The following FBXL17 variants were observed in gnomAD, a reference collection of about 807,000 sequenced individuals.
FBXL17 encodes F-box and leucine rich repeat protein 17.
Under a neutral mutation model 66.2 loss-of-function variants are expected in FBXL17, and 22 were observed. The observed-to-expected ratio is 0.33, with a 90% CI of 0.24 to 0.47. The LOEUF (loss-of-function observed/expected upper bound fraction) is 0.47, where lower values mean the gene tolerates loss of function less well. Ranked by LOEUF, FBXL17 falls within the 20% of genes least tolerant of loss-of-function variation. The pLI is 1.00. For missense variants in FBXL17, 878 were observed against 948.2 expected, an observed-to-expected ratio of 0.93 and a Z score of 0.97; for synonymous variants, 474 against 400.5, an observed-to-expected ratio of 1.18 and a Z score of -2.19.
intron 6 of FBXL17, among the ~76,000 whole-genome samples, chr5:108,124,481 A>G (rs1185047737): frequency 6.6e-6 from 1 of 152,090 alleles, no homozygotes; most frequent in Non-Finnish European, 1.5e-5. Flanking sequence ...TCCAAACTTA[A>G]GCAAATTCAA....
At chr5:108,248,519 T>C (rs1339707721) in intron 4 of FBXL17, among the ~76,000 whole-genome samples, 3 of 151,998 alleles carry the variant, frequency 2.0e-5, no homozygotes, top group African/African-American at 7.2e-5. Flanking sequence ...GGAGAAAGAA[T>C]ATAGGACTAA....
At chr5:108,165,164 A>C (rs1046597493) in intron 6 of FBXL17, among the ~76,000 whole-genome samples, 5 of 152,252 alleles carry the variant, frequency 3.3e-5, no homozygotes, top group African/African-American at 1.2e-4. Flanking sequence ...TGTTAAATAC[A>C]CTGTGCTAAA....
At position 108,341,781 on chromosome 5, in the gene FBXL17, A is replaced by G. The variant is rs942456700; in HGVS notation, c.1506+6618T>C. 7.9e-5 allele frequency among the ~76,000 whole-genome samples: 12 copies of G among 152,268 alleles called. No individual in the cohort carries two copies. The East Asian group carries it at 2.3e-3, about 29-fold the overall frequency. Reference sequence around the variant, plus strand: ...AGTGGCACTGTAACACTCACCACTTATTAAGCATTCCCCATATTTTTCTGA... The same window carrying G: ...AGTGGCACTGTAACACTCACCACTTGTTAAGCATTCCCCATATTTTTCTGA... On this transcript the variant is annotated intron_variant, in intron 4 of 8. Coordinates refer to ENST00000542267, the MANE Select transcript of FBXL17 (RefSeq NM_001163315.3).
chr5:107,979,430 A>T (rs942783264), intron 7 of FBXL17, among the ~76,000 whole-genome samples: 7 of 152,218 alleles, frequency 4.6e-5, no homozygotes, highest in Admixed American at 4.6e-4. Flanking sequence ...CAAAGTAAAC[A>T]TCCACCTACC....
At chr5:108,023,618 A>G (rs1402517926) in intron 6 of FBXL17, among the ~76,000 whole-genome samples, 1 of 152,184 alleles carries the variant, frequency 6.6e-6, no homozygotes, top group Non-Finnish European at 1.5e-5. Context: ...AGTCCATTCT[A>G]TAACATGCTT....
At chr5:108,240,395 T>C (rs1186322772) in intron 4 of FBXL17, among the ~76,000 whole-genome samples, 1 of 149,746 alleles carries the variant, frequency 6.7e-6, no homozygotes, top group Non-Finnish European at 1.5e-5. Context: ...CTTTGGTCCT[T>C]GAATGAATAT....
chr5:108,362,666 G>T (rs1748418152), intron 3 of FBXL17, among the ~76,000 whole-genome samples: 1 of 152,022 alleles, frequency 6.6e-6, no homozygotes, highest in African/African-American at 2.4e-5. Flanking sequence ...CCATGCTTAA[G>T]AAATATTGTT....
rs1331358163 is a variant in FBXL17, at chr5:108,354,959, T to C, written c.1375-6429A>G. ...CAAAAGTGAAGGAGAAATAAAGACTTTGTCTAACAAAAAATGAGGGAATTT... is the reference window on the plus strand; with the variant it reads ...CAAAAGTGAAGGAGAAATAAAGACTCTGTCTAACAAAAAATGAGGGAATTT... On this transcript the variant is annotated intron_variant, in intron 3 of 8. Coordinates refer to ENST00000542267, the MANE Select transcript of FBXL17 (RefSeq NM_001163315.3). Among the ~76,000 whole-genome samples, 4 of 152,136 alleles carry C rather than the reference T, an allele frequency of 2.6e-5. No individual in the cohort carries two copies. In the East Asian group the frequency reaches 7.7e-4, roughly 29 times the overall value.
chr5:108,030,843 G>C (rs1228941253), intron 6 of FBXL17, among the ~76,000 whole-genome samples: 1 of 152,134 alleles, frequency 6.6e-6, no homozygotes, highest in Non-Finnish European at 1.5e-5. Flanking sequence ...CCTGGAATCA[G>C]TTGGTCAGTT....
intron 5 of FBXL17, among the ~76,000 whole-genome samples, chr5:108,218,718 AT>A (rs1452347142): frequency 6.6e-6 from 1 of 152,034 alleles, no homozygotes; most frequent in East Asian, 1.9e-4. Flanking sequence ...TGCTGGCCAC[AT>A]GTATGTCTCT....
chr5:108,375,277 T>C (rs1268080582), intron 1 of FBXL17, among the ~76,000 whole-genome samples: 1 of 151,866 alleles, frequency 6.6e-6, no homozygotes. Flanking sequence ...GAAAGTCACT[T>C]GAGCCCAGGA....
At chr5:107,898,049 C>G (rs1189330894) in intron 7 of FBXL17, among the ~76,000 whole-genome samples, 1 of 152,142 alleles carries the variant, frequency 6.6e-6, no homozygotes, top group Admixed American at 6.5e-5. Flanking sequence ...TACTTCTGAA[C>G]CAATGCCAGA....
intron 4 of FBXL17, among the ~76,000 whole-genome samples, chr5:108,229,126 C>T (rs979783930): frequency 6.6e-6 from 1 of 152,052 alleles, no homozygotes; most frequent in African/African-American, 2.4e-5. Flanking sequence ...TAATTCTACT[C>T]ATCTATGAGC....
intron 5 of FBXL17, among the ~76,000 whole-genome samples, chr5:108,205,829 G>A (rs978259758): frequency 2.0e-5 from 3 of 151,942 alleles, no homozygotes; most frequent in Admixed American, 6.6e-5. Context: ...TCCCGGTCCC[G>A]GGTTTCAAGC....
At chr5:108,039,391 A>G (rs963084638) in intron 6 of FBXL17, among the ~76,000 whole-genome samples, 1 of 152,102 alleles carries the variant, frequency 6.6e-6, no homozygotes, top group East Asian at 1.9e-4. Context: ...TTTGCATTTG[A>G]TCAAAGACAA....
rs150570134 is a variant in FBXL17, at chr5:107,979,228, C to T, written c.1822+41697G>A. On this transcript the variant is annotated intron_variant, in intron 7 of 8. Transcript: ENST00000542267. ...TAAACGGAATTATGTAATACTGAAACAATTCCCACAGAATAGGATAATATA... is the reference window on the plus strand; with the variant it reads ...TAAACGGAATTATGTAATACTGAAATAATTCCCACAGAATAGGATAATATA... Among the ~76,000 whole-genome samples the T allele has an allele frequency of 3.3e-5, 5 of 152,256 alleles. No individual in the cohort carries two copies. The East Asian group carries it at 9.6e-4, about 29-fold the overall frequency.
intron 5 of FBXL17, among the ~76,000 whole-genome samples, chr5:108,187,343 C>T (rs1337726815): frequency 1.3e-5 from 2 of 152,142 alleles, no homozygotes; most frequent in Non-Finnish European, 2.9e-5. Flanking sequence ...ACCCCTCCCA[C>T]CAAAGATACC....
chr5:108,017,142 C>CA (rs886081443), intron 7 of FBXL17, among the ~76,000 whole-genome samples: 4 of 152,026 alleles, frequency 2.6e-5, no homozygotes, highest in Non-Finnish European at 5.9e-5. Context: ...TATTTGCTGA[C>CA]AAATTGTTCC....
At chr5:108,100,346 A>G (rs1324367519) in intron 6 of FBXL17, among the ~76,000 whole-genome samples, 2 of 152,192 alleles carry the variant, frequency 1.3e-5, no homozygotes, top group African/African-American at 2.4e-5. Context: ...AGGGAATAGT[A>G]TAAGAATGTG....
Sources: allele counts gnomAD v4.1 joint callset (sites outside exome capture counted in the v4.1 genomes callset), GRCh38; gene constraint gnomAD v4.1.1; transcripts MANE v1.5; gene names NCBI Gene and HGNC (gene_info 2026-07-23, HGNC 2026-07-21).